The following PRCC variants were observed in gnomAD, a reference collection of about 807,000 sequenced individuals.
PRCC encodes the protein proline-rich protein PRCC.
In PRCC, 10 loss-of-function variants were observed where a neutral mutation model predicts 44.0. The observed-to-expected ratio is 0.23, with a 90% CI of 0.14 to 0.39. PRCC has a LOEUF of 0.39. Ranked by LOEUF, PRCC falls within the 10% of genes least tolerant of loss-of-function variation. The pLI is 1.00. For synonymous variants in PRCC, 278 were observed against 259.5 expected, an observed-to-expected ratio of 1.07 and a Z score of -0.69; for missense variants, 573 against 624.7, an observed-to-expected ratio of 0.92 and a Z score of 0.88.
chr1:156,798,370 A>G (rs1413503956), intron 6 of PRCC, among the ~76,000 whole-genome samples: 4 of 152,118 alleles, frequency 2.6e-5, no homozygotes, highest in African/African-American at 9.7e-5. Context: ...CAGTGGCACA[A>G]TTCCTTTTCT....
At chr1:156,772,406 T>G (rs911308030) in intron 1 of PRCC, among the ~76,000 whole-genome samples, 2 of 152,214 alleles carry the variant, frequency 1.3e-5, no homozygotes, top group Non-Finnish European at 2.9e-5. Context: ...TTAAATTCAG[T>G]CAGCTTTTGA....
chr1:156,798,325 G>A (rs1046936915), intron 6 of PRCC, among the ~76,000 whole-genome samples: 3 of 151,770 alleles, frequency 2.0e-5, no homozygotes, highest in African/African-American at 7.3e-5. Flanking sequence ...CCTTTTTTTT[G>A]AGACAGAGTC....
intron 1 of PRCC, among the ~76,000 whole-genome samples, chr1:156,769,581 CT>C (rs949600925): frequency 8.0e-5 from 12 of 149,770 alleles, no homozygotes; most frequent in East Asian, 3.9e-4. Context: ...AACTTTCTTC[CT>C]TTTTTTTTTA....
intron 1 of PRCC, among the ~76,000 whole-genome samples, chr1:156,770,075 T>A (rs1417406094): frequency 1.3e-5 from 2 of 152,170 alleles, no homozygotes; most frequent in African/African-American, 4.8e-5. Flanking sequence ...TACATGGACA[T>A]GGAAAGCTCA....
At position 156,790,513 on chromosome 1, in the gene PRCC, C is replaced by T. The variant is rs542879804; in HGVS notation, c.1084-1184C>T. On this transcript the variant is annotated intron_variant, in intron 3 of 6. Coordinates refer to ENST00000271526, the MANE Select transcript of PRCC (RefSeq NM_005973.5). ...TGGCATGCGCCTGTAATCCCAGCTACGTGGAAGGCTGAGACAGGAGAATCG... is the reference window on the plus strand; with the variant it reads ...TGGCATGCGCCTGTAATCCCAGCTATGTGGAAGGCTGAGACAGGAGAATCG... Among the ~76,000 whole-genome samples, 12 of 152,276 alleles carry T rather than the reference C, an allele frequency of 7.9e-5. No individual in the cohort carries two copies. The South Asian group carries it at 1.9e-3, about 24-fold the overall frequency.
At position 156,767,761 on chromosome 1, in the gene PRCC, C is replaced by T. The variant is rs1204883838; in HGVS notation, c.-11C>T. The T allele has an allele frequency of 6.3e-7, 1 of 1,584,838 alleles. No homozygotes were observed. Among genetic ancestry groups the T allele is most frequent in the South Asian group, 1.2e-5 (1 of 86,876 alleles). ...TCTGCCGGCAAGGGCGCCCGAAACG[C>T]GGGAGGCGCCATGTCGCTGGTTGCT... On this transcript the variant is annotated 5_prime_UTR_variant, in exon 1 of 7. Coordinates refer to ENST00000271526, the MANE Select transcript of PRCC (RefSeq NM_005973.5).
chr1:156,776,773 C>T (rs1050253163), intron 1 of PRCC, among the ~76,000 whole-genome samples: 8 of 152,030 alleles, frequency 5.3e-5, no homozygotes, highest in Non-Finnish European at 1.0e-4. Flanking sequence ...AAAGTTTAAA[C>T]GTATTTGGGG....
Position 156,799,791 on chromosome 1 carries a change from T to A in PRCC, c.1390-583T>A, listed in dbSNP as rs534054215. ...CCAGAATGTGGTATAGAGCCAGGAG[T>A]TGTTGAGATCAGAAGAAAGAAGTCA... is the stretch of plus-strand genomic sequence containing the variant. On this transcript the variant is annotated intron_variant, in intron 6 of 6. Coordinates refer to ENST00000271526, the MANE Select transcript of PRCC (RefSeq NM_005973.5). Among the ~76,000 whole-genome samples, 4 of 152,232 alleles carry A rather than the reference T, an allele frequency of 2.6e-5. No individual in the cohort carries two copies. The South Asian group carries it at 8.3e-4, about 32-fold the overall frequency.
intron 2 of PRCC, among the ~76,000 whole-genome samples, chr1:156,785,960 C>T (rs1222845157): frequency 6.6e-6 from 1 of 151,978 alleles, no homozygotes; most frequent in Non-Finnish European, 1.5e-5. Context: ...TACAGGCACC[C>T]ACCACCATGC....
chr1:156,795,336 G>A (rs1028490220), intron 5 of PRCC, among the ~76,000 whole-genome samples: 4 of 107,710 alleles, frequency 3.7e-5, no homozygotes, highest in African/African-American at 1.4e-4. Flanking sequence ...TGCCCAGGCT[G>A]GCATGCACTG....
intron 6 of PRCC, among the ~76,000 whole-genome samples, chr1:156,798,764 G>A (rs1212193368): frequency 3.3e-5 from 5 of 150,502 alleles, no homozygotes. Flanking sequence ...CAGGAGAATC[G>A]CTTGAACCCG....
Position 156,767,641 on chromosome 1 carries a change from T to TA in PRCC, c.-130dup. 1.1e-6 allele frequency: 1 copy of TA among 875,512 alleles called. No homozygotes were observed. The highest frequency in any genetic ancestry group is 1.7e-6 in the Non-Finnish European group (1 of 580,122). The allele number at this position is 875,512 out of a possible 1,614,324, so 54.2% of individuals were successfully genotyped here. On this transcript the variant is annotated 5_prime_UTR_variant, in exon 1 of 7. Coordinates refer to ENST00000271526, the MANE Select transcript of PRCC (RefSeq NM_005973.5). ...CATGAGTTTCTGCCGGGGCTAGCCC[T>TA]AGAGTACGGAGCAGGCGGACTTTTC... is the stretch of plus-strand genomic sequence containing the variant.
intron 2 of PRCC, among the ~76,000 whole-genome samples, chr1:156,782,994 C>G (rs949899939): frequency 3.9e-5 from 6 of 152,118 alleles, no homozygotes; most frequent in African/African-American, 1.4e-4. Context: ...CATCCTCCTC[C>G]TCCCAGTTCA....
At position 156,800,381 on chromosome 1, in the gene PRCC, A is replaced by C. The variant is rs1211591622; in HGVS notation, c.1397A>C (p.Glu466Ala). The part of the protein sequence containing the change: ...QITYLIHQAK[E>A]RELELKNTWS... ...CCTTCTTCCTTGCCACAGGCCAAGG[A>C]GCGGGAGCTGGAACTGAAGAACACC... The change falls in exon 7 of 7, where the codon GAG becomes GCG. Residue 466 changes from glutamate to alanine, a missense_variant. Physicochemically the swap from Glu to Ala is moderately radical, Grantham distance 107 (BLOSUM62 -1). Around this residue, in one of 4 missense-constraint regions of PRCC, gnomAD observed 69 missense variants for 139.3 expected, o/e 0.50. Coordinates refer to ENST00000271526, the MANE Select transcript of PRCC (RefSeq NM_005973.5). 1.2e-6 allele frequency: 2 copies of C among 1,614,016 alleles called. No individual in the cohort carries two copies. The highest frequency in any genetic ancestry group is 3.3e-5 in the Admixed American group (2 of 60,004).
chr1:156,776,030 A>G (rs1005205833), intron 1 of PRCC, among the ~76,000 whole-genome samples: 6 of 152,120 alleles, frequency 3.9e-5, no homozygotes, highest in African/African-American at 1.4e-4. Flanking sequence ...TCATGAGATG[A>G]TTCATAATAG....
At chr1:156,790,308 T>G (rs1652428312) in intron 3 of PRCC, among the ~76,000 whole-genome samples, 1 of 152,360 alleles carries the variant, frequency 6.6e-6, no homozygotes, top group Admixed American at 6.5e-5. Context: ...ATATCTGCCC[T>G]TAAGGTTGTT....
At chr1:156,784,301 C>T (rs924050527) in intron 2 of PRCC, among the ~76,000 whole-genome samples, 4 of 152,104 alleles carry the variant, frequency 2.6e-5, no homozygotes, top group African/African-American at 9.7e-5. Context: ...TGTTGGCGTG[C>T]TGAGACTGAG....
rs77366171 is a variant in PRCC, at chr1:156,780,707, C to T, written c.469-1575C>T. 4.3e-3 allele frequency among the ~76,000 whole-genome samples: 647 copies of T among 152,160 alleles called. 1 individual carries two copies. Among genetic ancestry groups the T allele is most frequent in the African/African-American group, 0.015 (620 of 41,528 alleles). ...GGGGATGTCTGAACCACACTTGGTG[C>T]TCTTATCTTATACTGCCTTTTATTT... On this transcript the variant is annotated intron_variant, in intron 1 of 6. Transcript: ENST00000271526.
At chr1:156,785,725 G>A (rs1160564984) in intron 2 of PRCC, among the ~76,000 whole-genome samples, 2 of 151,828 alleles carry the variant, frequency 1.3e-5, no homozygotes, top group Non-Finnish European at 2.9e-5. Context: ...CTTGTTGAAC[G>A]TGCTGGGCCT....
Sources: gnomAD v4.1 joint callset for allele counts (sites outside exome capture counted in the v4.1 genomes callset) on GRCh38, gnomAD v4.1.1 for gene constraint, gnomAD v4.1.1 regional missense constraint, MANE v1.5 for transcripts, NCBI Gene and HGNC (gene_info 2026-07-23, HGNC 2026-07-21) for gene names.